Variants in CACNA2D3 observed in about 807,000 individuals in gnomAD.
CACNA2D3 encodes calcium voltage-gated channel auxiliary subunit alpha2delta 3.
In CACNA2D3, 60 loss-of-function variants were observed where a neutral mutation model predicts 160.6. The ratio of observed to expected loss-of-function variants is 0.37; its 90% CI spans 0.30 to 0.46. The LOEUF (loss-of-function observed/expected upper bound fraction) is 0.46. CACNA2D3 is among the 20% of genes least tolerant of loss of function. The pLI, the probability that CACNA2D3 is intolerant of heterozygous loss-of-function variation, is 1.00. For synonymous variants in CACNA2D3, 558 were observed against 492.9 expected (o/e 1.13, Z -1.75); for missense variants, 1,205 against 1,365.0 (o/e 0.88, Z 1.85).
chr3:54,458,588 T>C (rs1244737197), intron 4 of CACNA2D3, among the ~76,000 whole-genome samples: 1 of 152,024 alleles, frequency 6.6e-6, no homozygotes, highest in Non-Finnish European at 1.5e-5. Flanking sequence ...TCTCTTGCTG[T>C]GTTTAGCATT....
At chr3:54,189,027 A>G (rs1559876551) in intron 2 of CACNA2D3, among the ~76,000 whole-genome samples, 1 of 152,234 alleles carries the variant, frequency 6.6e-6, no homozygotes, top group Non-Finnish European at 1.5e-5. Flanking sequence ...AAGCCATGGC[A>G]TCTAAGCCTC....
intron 2 of CACNA2D3, among the ~76,000 whole-genome samples, chr3:54,266,236 A>G (rs1702514782): frequency 6.6e-6 from 1 of 152,224 alleles, no homozygotes. Context: ...ATGTTGGAAC[A>G]TGAGATCTTA....
intron 9 of CACNA2D3, among the ~76,000 whole-genome samples, chr3:54,617,123 C>G (rs573689930): frequency 1.3e-5 from 2 of 152,290 alleles, no homozygotes; most frequent in South Asian, 4.1e-4. Flanking sequence ...CCCCCACATG[C>G]TGCTGCAGAG....
chr3:54,317,315 G>T (rs1163949086), intron 2 of CACNA2D3, among the ~76,000 whole-genome samples: 4 of 152,206 alleles, frequency 2.6e-5, no homozygotes, highest in African/African-American at 9.7e-5. Flanking sequence ...TAGGGGTAGG[G>T]AAGGTCACTC....
At chr3:54,998,172 A>T (rs1207378120) in intron 31 of CACNA2D3, among the ~76,000 whole-genome samples, 1 of 133,390 alleles carries the variant, frequency 7.5e-6, no homozygotes, top group African/African-American at 2.9e-5. Context: ...TCTATTGCCC[A>T]TGCCCAGGCT....
chr3:54,145,612 C>T (rs550835321), intron 2 of CACNA2D3, among the ~76,000 whole-genome samples: 1 of 152,292 alleles, frequency 6.6e-6, no homozygotes, highest in Admixed American at 6.5e-5. Flanking sequence ...GGGGGCTCTG[C>T]GATCTACGTT....
intron 1 of CACNA2D3, 102 bp from the exon 2 acceptor site, chr3:54,123,411 C>T (rs1699517348): frequency 1.2e-6 from 1 of 828,148 alleles, no homozygotes; most frequent in Non-Finnish European, 2.1e-6. Flanking sequence ...TGTTACATCG[C>T]ACTGCTCCTT....
At chr3:54,598,133 A>T (rs1305102000) in intron 9 of CACNA2D3, among the ~76,000 whole-genome samples, 1 of 151,306 alleles carries the variant, frequency 6.6e-6, no homozygotes, top group Non-Finnish European at 1.5e-5. Context: ...CTACTAAAAA[A>T]AAAAAATACA....
At chr3:54,144,246 C>T (rs1272579783) in intron 2 of CACNA2D3, among the ~76,000 whole-genome samples, 1 of 152,166 alleles carries the variant, frequency 6.6e-6, no homozygotes, top group Non-Finnish European at 1.5e-5. Flanking sequence ...AACATTTCCC[C>T]CTGGGGATGT....
At chr3:54,390,994 T>C (rs1699269532) in intron 4 of CACNA2D3, among the ~76,000 whole-genome samples, 1 of 116,486 alleles carries the variant, frequency 8.6e-6, no homozygotes, top group Non-Finnish European at 1.9e-5. Flanking sequence ...TGGAAGTCTG[T>C]TTTCATACTG....
intron 2 of CACNA2D3, among the ~76,000 whole-genome samples, chr3:54,215,668 A>T (rs559193772): frequency 2.4e-4 from 37 of 152,174 alleles, no homozygotes; most frequent in Admixed American, 1.1e-3. Context: ...TTAACCTGTT[A>T]CTCAGCCGCA....
intron 27 of CACNA2D3, among the ~76,000 whole-genome samples, chr3:54,926,102 A>G (rs527973827): frequency 2.0e-5 from 3 of 152,198 alleles, no homozygotes; most frequent in African/African-American, 4.8e-5. Flanking sequence ...CCCAATTTCT[A>G]TTTTCCAGCA....
At position 54,505,940 on chromosome 3, in the gene CACNA2D3, G is replaced by A. The variant is rs373585558; in HGVS notation, c.544+2286G>A. ...AGTCAGATTTTTTGAGCCGTTGGATGTAGCTAATGATATTCAAAGTCATCC... is the reference window on the plus strand; with the variant it reads ...AGTCAGATTTTTTGAGCCGTTGGATATAGCTAATGATATTCAAAGTCATCC... On this transcript the variant is annotated intron_variant, in intron 5 of 37. Transcript: ENST00000474759. Among the ~76,000 whole-genome samples, 14 of 152,338 alleles carry A rather than the reference G, an allele frequency of 9.2e-5. No individual in the cohort carries two copies. In the East Asian group the frequency reaches 1.2e-3, roughly 13 times the overall value.
intron 2 of CACNA2D3, among the ~76,000 whole-genome samples, chr3:54,275,309 A>G (rs1186562436): frequency 6.6e-6 from 1 of 152,158 alleles, no homozygotes; most frequent in East Asian, 1.9e-4. Context: ...CCCCTCCCCT[A>G]GGCAGGGAGT....
chr3:54,954,255 C>T (rs1210944693), intron 27 of CACNA2D3, among the ~76,000 whole-genome samples: 2 of 152,188 alleles, frequency 1.3e-5, no homozygotes, highest in Admixed American at 6.5e-5. Flanking sequence ...TCGAGTCAGT[C>T]GGCAGCTCCC....
At chr3:54,592,761 T>C (rs372087126) in intron 9 of CACNA2D3, among the ~76,000 whole-genome samples, 23 of 152,354 alleles carry the variant, frequency 1.5e-4, no homozygotes, top group African/African-American at 2.9e-4. Flanking sequence ...TTAGAAACCC[T>C]TGTAACTTTC....
chr3:54,226,278 C>T (rs1444085248), intron 2 of CACNA2D3, among the ~76,000 whole-genome samples: 1 of 150,756 alleles, frequency 6.6e-6, no homozygotes, highest in Non-Finnish European at 1.5e-5. Context: ...GTAAGGTTAT[C>T]CTCTCTGCAA....
chr3:54,891,111 GTTC>G (rs1700055441), intron 24 of CACNA2D3, among the ~76,000 whole-genome samples: 2 of 151,178 alleles, frequency 1.3e-5, no homozygotes, highest in Non-Finnish European at 2.9e-5. Context: ...TTGGCAGGAA[GTTC>G]TTCATTTTTC....
chr3:54,604,784 A>G (rs573052848), intron 9 of CACNA2D3, among the ~76,000 whole-genome samples: 13 of 152,270 alleles, frequency 8.5e-5, no homozygotes, highest in Admixed American at 3.9e-4. Context: ...CATCCAGCCT[A>G]TTCTCCACGC....
Sources: allele counts gnomAD v4.1 joint callset (sites outside exome capture counted in the v4.1 genomes callset), GRCh38; gene constraint gnomAD v4.1.1; transcripts MANE v1.5; gene names NCBI Gene and HGNC (gene_info 2026-07-23, HGNC 2026-07-21).